CAMK1D: variants seen among roughly 807,000 people sequenced by gnomAD.
CAMK1D encodes calcium/calmodulin-dependent protein kinase type 1D.
Under a neutral mutation model 47.7 loss-of-function variants are expected in CAMK1D, and 9 were observed. The ratio of observed to expected loss-of-function variants is 0.19; its 90% CI spans 0.11 to 0.33. The LOEUF is 0.33. Ranked by LOEUF, CAMK1D falls within the 10% of genes least tolerant of loss-of-function variation. The pLI is 1.00. For synonymous variants in CAMK1D, 184 were observed against 184.9 expected (o/e 0.99, Z 0.04); for missense variants, 291 against 488.7 (o/e 0.60, Z 3.81).
At chr10:12,788,920 A>AG (rs1327360885) in intron 5 of CAMK1D, among the ~76,000 whole-genome samples, 1 of 152,224 alleles carries the variant, frequency 6.6e-6, no homozygotes, top group African/African-American at 2.4e-5. Context: ...TTTAAAAAAA[A>AG]TAAAAATCTG....
At chr10:12,442,660 A>G (rs1308026718) in intron 1 of CAMK1D, among the ~76,000 whole-genome samples, 1 of 152,168 alleles carries the variant, frequency 6.6e-6, no homozygotes, top group Non-Finnish European at 1.5e-5. Context: ...GACTTTCTAG[A>G]CTTTTCCTGA....
At chr10:12,688,207 T>A (rs1832733565) in intron 3 of CAMK1D, among the ~76,000 whole-genome samples, 1 of 152,188 alleles carries the variant, frequency 6.6e-6, no homozygotes, top group Non-Finnish European at 1.5e-5. Context: ...CCTATTTAGT[T>A]CTTTCTCCAC....
At chr10:12,680,780 CT>C (rs1840966288) in intron 3 of CAMK1D, among the ~76,000 whole-genome samples, 2 of 151,748 alleles carry the variant, frequency 1.3e-5, no homozygotes, top group African/African-American at 4.8e-5. Context: ...ATTTTACATC[CT>C]AAATCCTTGC....
At chr10:12,743,884 GT>G in intron 3 of CAMK1D, among the ~76,000 whole-genome samples, 1 of 152,298 alleles carries the variant, frequency 6.6e-6, no homozygotes, top group East Asian at 1.9e-4. Flanking sequence ...TTAGCTGGAT[GT>G]GGTAGCACAC....
chr10:12,406,835 G>A (rs186662590), intron 1 of CAMK1D, among the ~76,000 whole-genome samples: 11 of 149,904 alleles, frequency 7.3e-5, no homozygotes, highest in African/African-American at 1.5e-4. Flanking sequence ...TGTGCCTCCA[G>A]TTGTCCTTAT....
At chr10:12,534,328 G>A (rs540271493) in intron 1 of CAMK1D, among the ~76,000 whole-genome samples, 2 of 152,192 alleles carry the variant, frequency 1.3e-5, no homozygotes, top group East Asian at 1.9e-4. Flanking sequence ...TCCTGCCTCA[G>A]CCTCCCCAGT....
chr10:12,757,545 G>A (rs936184450), intron 3 of CAMK1D, among the ~76,000 whole-genome samples: 6 of 152,130 alleles, frequency 3.9e-5, no homozygotes, highest in African/African-American at 1.2e-4. Context: ...TTGCCATGAC[G>A]CCAAACTTAT....
intron 3 of CAMK1D, among the ~76,000 whole-genome samples, chr10:12,755,307 G>A (rs1836179371): frequency 6.6e-6 from 1 of 152,162 alleles, no homozygotes; most frequent in Non-Finnish European, 1.5e-5. Flanking sequence ...ACCAGTGTGG[G>A]ATGATGGACA....
chr10:12,551,652 C>T (rs556931016), intron 1 of CAMK1D, among the ~76,000 whole-genome samples: 5 of 152,076 alleles, frequency 3.3e-5, no homozygotes, highest in East Asian at 3.9e-4. Context: ...TCAGGAGAAT[C>T]GCTTGAACCT....
chr10:12,504,225 T>TACACACACACACACACACAC lies in CAMK1D; in HGVS notation c.93-48994_93-48975dup, dbSNP rs111662084. 2.5e-3 allele frequency among the ~76,000 whole-genome samples: 372 copies of TACACACACACACACACACAC among 147,706 alleles called. 3 individuals carry two copies. Among genetic ancestry groups the TACACACACACACACACACAC allele is most frequent in the African/African-American group, 9.0e-3 (354 of 39,500 alleles). ...ACAAATATGTTCCAAATACACATTT[T>TACACACACACACACACACAC]ACACACACACACACACACACACACA... On this transcript the variant is annotated intron_variant, in intron 1 of 10. Coordinates refer to ENST00000619168, the MANE Select transcript of CAMK1D (RefSeq NM_153498.4).
intron 3 of CAMK1D, among the ~76,000 whole-genome samples, chr10:12,749,570 G>T (rs76857433): frequency 0.13 from 15,886 of 118,702 alleles, 1,039 homozygotes; most frequent in Middle Eastern, 0.21. Flanking sequence ...TTGTTTGTTT[G>T]TTTGTTTTGA....
chr10:12,765,277 C>T (rs2482055), intron 4 of CAMK1D, among the ~76,000 whole-genome samples: 128,619 of 152,184 alleles, frequency 0.85, 54,883 homozygotes, highest in East Asian at 0.92. Context: ...ATTTTGACAC[C>T]ACTTGACATG....
intron 3 of CAMK1D, among the ~76,000 whole-genome samples, chr10:12,669,723 C>A (rs1840550386): frequency 1.3e-5 from 2 of 152,230 alleles, no homozygotes; most frequent in South Asian, 4.1e-4. Flanking sequence ...AACCAGTGAC[C>A]TACTTTACTT....
chr10:12,610,512 G>C (rs1286700876), intron 2 of CAMK1D, among the ~76,000 whole-genome samples: 1 of 152,120 alleles, frequency 6.6e-6, no homozygotes, highest in Non-Finnish European at 1.5e-5. Flanking sequence ...CATCCACTTT[G>C]CCCAGCAGTA....
intron 2 of CAMK1D, 133 bp from the exon 3 acceptor site, chr10:12,666,600 ACAT>A (rs1840438721): frequency 4.4e-6 from 3 of 683,860 alleles, no homozygotes; most frequent in Admixed American, 2.6e-5. Flanking sequence ...TCTGGGGACA[ACAT>A]TGTGAAGTCT....
At chr10:12,620,210 A>AAAAAAAAAT (rs1564449494) in intron 2 of CAMK1D, among the ~76,000 whole-genome samples, 2 of 143,152 alleles carry the variant, frequency 1.4e-5, no homozygotes, top group East Asian at 2.0e-4. Flanking sequence ...AAAAAAAAAA[A>AAAAAAAAAT]AAAAAAAATA....
intron 1 of CAMK1D, among the ~76,000 whole-genome samples, chr10:12,504,367 G>A (rs575237706): frequency 6.6e-6 from 1 of 152,222 alleles, no homozygotes; most frequent in Non-Finnish European, 1.5e-5. Flanking sequence ...GTAAGTCCCA[G>A]AGTCCAAAGA....
rs532894039 is a variant in CAMK1D, at chr10:12,522,866, G to C, written c.93-30359G>C. 2.2e-5 allele frequency among the ~76,000 whole-genome samples: 2 copies of C among 92,270 alleles called. 1 individual carries two copies. Among genetic ancestry groups the C allele is most frequent in the East Asian group, 6.4e-4 (2 of 3,120 alleles). 60.5% of individuals were successfully genotyped at this position (92,270 alleles called of 152,430 possible). On this transcript the variant is annotated intron_variant, in intron 1 of 10. Coordinates refer to ENST00000619168, the MANE Select transcript of CAMK1D (RefSeq NM_153498.4). ...TCCCGGACAGGGCGGCTGGCCGGGC[G>C]GGGGCTGACCCCCCACCTCCCTCCC...
At chr10:12,753,033 C>T (rs1205294154) in intron 3 of CAMK1D, among the ~76,000 whole-genome samples, 1 of 152,210 alleles carries the variant, frequency 6.6e-6, no homozygotes, top group Non-Finnish European at 1.5e-5. Flanking sequence ...ATCACAAGGT[C>T]AGGAGATTGA....
Sources: gnomAD v4.1 joint callset for allele counts (sites outside exome capture counted in the v4.1 genomes callset) on GRCh38, gnomAD v4.1.1 for gene constraint, MANE v1.5 for transcripts, NCBI Gene and HGNC (gene_info 2026-07-23, HGNC 2026-07-21) for gene names.